Variants in CASP5 observed in about 807,000 individuals in gnomAD.
CASP5 encodes the protein caspase 5, also known as caspase-5.
CASP5 carries 42 observed loss-of-function variants against 45.2 expected under a neutral mutation model. The observed-to-expected ratio is 0.93, with a 90% CI of 0.73 to 1.20. CASP5 has a LOEUF of 1.20. CASP5 is among the 50% of genes most tolerant of loss of function. The pLI, the probability that CASP5 is intolerant of heterozygous loss-of-function variation, is 0.00. For synonymous variants in CASP5, 209 were observed against 186.2 expected (o/e 1.12, Z -1.00); for missense variants, 512 against 532.2 (o/e 0.96, Z 0.37).
intron 1 of CASP5, 76 bp from the exon 2 acceptor site, chr11:105,009,056 G>A (rs764954861): frequency 4.5e-6 from 6 of 1,327,056 alleles, no homozygotes; most frequent in Non-Finnish European, 6.4e-6. Context: ...ACAAAGCTCT[G>A]TAATGTGAAA....
At chr11:104,995,520 A>G (rs1861421691) in intron 9 of CASP5, among the ~76,000 whole-genome samples, 1 of 152,158 alleles carries the variant, frequency 6.6e-6, no homozygotes, top group Non-Finnish European at 1.5e-5. Flanking sequence ...TGTGTATTAC[A>G]TTTTGCTGCA....
chr11:105,000,570 G>T, intron 5 of CASP5, 75 bp from the exon 6 acceptor site: 3 of 1,299,512 alleles, frequency 2.3e-6, no homozygotes, highest in South Asian at 2.4e-5. Context: ...TACCATGAGC[G>T]AAACAAGAAA....
At chr11:104,999,169 G>A in intron 6 of CASP5, 141 bp from the exon 7 acceptor site, 1 of 667,332 alleles carries the variant, frequency 1.5e-6, no homozygotes, top group Non-Finnish European at 2.4e-6. Context: ...AAGCCCACAT[G>A]CATTAAGTAT....
chr11:105,003,309 C>T lies in CASP5; in HGVS notation c.508G>A (p.Glu170Lys), dbSNP rs1861837339. 6.2e-7 allele frequency: 1 copy of T among 1,606,970 alleles called. No individual in the cohort carries two copies. Among genetic ancestry groups the T allele is most frequent in the African/African-American group, 1.3e-5 (1 of 74,444 alleles). The change falls in exon 4 of 10, where the codon GAA becomes AAA. Residue 170 changes from glutamate (E) to lysine (K), a missense_variant. By Grantham distance (56) the Glu-to-Lys change is moderately conservative. Coordinates refer to ENST00000260315, the MANE Select transcript of CASP5 (RefSeq NM_004347.5). ...TNILKLCPRE[E>K]FLRLCKKNHD... The stretch of plus-strand genomic sequence containing the variant: ...TTTTTTTTACACAGTCTCAGGAATT[C>T]TTCACGAGGACAAAGTTTGAGTATA...
chr11:104,999,343 T>C (rs549645594), intron 6 of CASP5, among the ~76,000 whole-genome samples: 7 of 152,294 alleles, frequency 4.6e-5, no homozygotes, highest in Middle Eastern at 3.4e-3. Flanking sequence ...CTGAGGATGA[T>C]AGCTTCCAGC....
intron 1 of CASP5, among the ~76,000 whole-genome samples, chr11:105,009,798 T>C (rs1862216028): frequency 1.8e-5 from 2 of 111,904 alleles, no homozygotes; most frequent in African/African-American, 4.6e-5. Flanking sequence ...CACACGTATA[T>C]ATATATATAC....
At chr11:105,005,784 A>T (rs1861972862) in intron 3 of CASP5, among the ~76,000 whole-genome samples, 3 of 152,086 alleles carry the variant, frequency 2.0e-5, no homozygotes, top group Admixed American at 2.0e-4. Context: ...TACAAATATG[A>T]TTCCTATTTG....
chr11:105,000,272 G>T lies in CASP5; in HGVS notation c.941C>A (p.Ala314Asp), dbSNP rs548830640. ...KDKPKVIIVQ[A>D]CRGEKHGELW... is the part of the protein sequence containing the mutation. ...GCCTCAGCACTCACCACCTCTGCAG[G>T]CCTGGACAATGATGACCTTGGGTTT... Residue 314 changes from alanine to aspartate, a missense_variant, in exon 6 of 10, where the codon GCC becomes GAC. Coordinates refer to ENST00000260315, the MANE Select transcript of CASP5 (RefSeq NM_004347.5). 1.9e-6 allele frequency: 3 copies of T among 1,614,148 alleles called. No individual in the cohort carries two copies. The highest frequency in any genetic ancestry group is 2.2e-5 in the East Asian group (1 of 44,882).
In CASP5 at chr11:105,021,932, T is replaced by C. The variant is rs1270281902; in HGVS notation, c.7+1198A>G. Among the ~76,000 whole-genome samples the C allele has an allele frequency of 2.7e-5, 4 of 149,440 alleles. No homozygotes were observed. The East Asian group carries it at 7.8e-4, about 29-fold the overall frequency. On this transcript the variant is annotated intron_variant, in intron 1 of 9. Coordinates refer to ENST00000260315, the MANE Select transcript of CASP5 (RefSeq NM_004347.5). ...ACCCAAATGTCCAACAATGATAGACTGGATTAAGAAAATGTGGCACATATA... is the reference window on the plus strand; with the variant it reads ...ACCCAAATGTCCAACAATGATAGACCGGATTAAGAAAATGTGGCACATATA...
intron 4 of CASP5, 134 bp downstream of exon 4, chr11:105,003,140 C>T (rs954164313): frequency 7.8e-6 from 5 of 638,240 alleles, no homozygotes; most frequent in Non-Finnish European, 1.4e-5. Flanking sequence ...TTCAAGATAG[C>T]AGTCAGCTAT....
chr11:105,006,916 C>T lies in CASP5; in HGVS notation c.433+167G>A, dbSNP rs565642469. Among the ~76,000 whole-genome samples the T allele has an allele frequency of 9.9e-5, 15 of 152,210 alleles. No homozygotes were observed. The South Asian group carries it at 1.7e-3, about 17-fold the overall frequency. On this transcript the variant is annotated intron_variant, in intron 3 of 9. Transcript: ENST00000260315. ...TTTTGGCTAATTGGAAATTTGATCCCGTCCCATAAAAGACAAGGTGGTCTC... is the reference window on the plus strand; with the variant it reads ...TTTTGGCTAATTGGAAATTTGATCCTGTCCCATAAAAGACAAGGTGGTCTC...
chr11:105,011,858 A>C (rs1407872067), intron 1 of CASP5, among the ~76,000 whole-genome samples: 1 of 151,864 alleles, frequency 6.6e-6, no homozygotes, highest in East Asian at 1.9e-4. Context: ...TATTATGTCT[A>C]TACTACCCAA....
intron 4 of CASP5, 93 bp from the exon 5 acceptor site, chr11:105,002,294 A>G (rs1331979895): frequency 2.0e-6 from 2 of 978,208 alleles, no homozygotes; most frequent in African/African-American, 1.6e-5. Context: ...GACCTCATGC[A>G]GCTGCCACCT....
At chr11:105,001,790 T>C (rs1280694009) in intron 5 of CASP5, among the ~76,000 whole-genome samples, 2 of 152,202 alleles carry the variant, frequency 1.3e-5, no homozygotes, top group African/African-American at 2.4e-5. Flanking sequence ...CGAAAATACA[T>C]GCCAATCATA....
chr11:105,009,720 CATATATATATATATATATATATAT>C (rs199695891), intron 1 of CASP5, among the ~76,000 whole-genome samples: 5,994 of 64,164 alleles, frequency 0.093, 388 homozygotes, highest in Middle Eastern at 0.28. Flanking sequence ...TATATACACA[CATATATATATATATATATATATAT>C]ATATATATAT....
At chr11:104,996,385 G>T (rs1042807511) in intron 8 of CASP5, among the ~76,000 whole-genome samples, 3 of 152,150 alleles carry the variant, frequency 2.0e-5, no homozygotes, top group Admixed American at 6.6e-5. Context: ...AAAGTACAAT[G>T]TCTAATTCCT....
chr11:104,997,979 G>A (rs1334283969), intron 7 of CASP5, among the ~76,000 whole-genome samples: 1 of 152,054 alleles, frequency 6.6e-6, no homozygotes, highest in Non-Finnish European at 1.5e-5. Flanking sequence ...AGTTATAGAA[G>A]ATTAAAATAT....
At chr11:105,016,467 G>A (rs145833334) in intron 1 of CASP5, among the ~76,000 whole-genome samples, 8,893 of 152,242 alleles carry the variant, frequency 0.058, 792 homozygotes, top group African/African-American at 0.2. Context: ...TGTGCAAGCC[G>A]AAGCAGGGCG....
intron 4 of CASP5, among the ~76,000 whole-genome samples, chr11:105,002,739 T>C (rs1211966079): frequency 6.6e-6 from 1 of 152,072 alleles, no homozygotes; most frequent in Non-Finnish European, 1.5e-5. Context: ...AAATCCCAAA[T>C]TGATACAAAA....
Sources: gnomAD v4.1 joint callset for allele counts (sites outside exome capture counted in the v4.1 genomes callset) on GRCh38, gnomAD v4.1.1 for gene constraint, MANE v1.5 for transcripts, NCBI Gene and HGNC (gene_info 2026-07-23, HGNC 2026-07-21) for gene names.